The following NKAIN2 variants were observed in gnomAD, a reference collection of about 807,000 sequenced individuals.
NKAIN2 encodes the protein sodium/potassium-transporting ATPase subunit beta-1-interacting protein 2.
NKAIN2 carries 14 observed loss-of-function variants against 32.6 expected under a neutral mutation model. That is an observed-to-expected ratio of 0.43 (90% CI 0.28 to 0.67). The LOEUF (loss-of-function observed/expected upper bound fraction) is 0.67. Among genes scored for constraint, NKAIN2 ranks in the 30% least tolerant of loss-of-function variants. NKAIN2 has a pLI of 0.17. For missense variants in NKAIN2, 198 were observed against 258.3 expected (o/e 0.77, Z 1.60); for synonymous variants, 80 against 87.2 (o/e 0.92, Z 0.46).
At chr6:124,485,354 C>T (rs1777610002) in intron 3 of NKAIN2, among the ~76,000 whole-genome samples, 1 of 152,108 alleles carries the variant, frequency 6.6e-6, no homozygotes, top group Non-Finnish European at 1.5e-5. Context: ...ATTACACCAA[C>T]AAATGATAAG....
chr6:123,812,822 A>G (rs1247127386), intron 1 of NKAIN2, among the ~76,000 whole-genome samples: 3 of 152,226 alleles, frequency 2.0e-5, no homozygotes. Context: ...AAAACCCCCA[A>G]CAATGTTGCA....
intron 5 of NKAIN2, among the ~76,000 whole-genome samples, chr6:124,797,912 A>G (rs1780074575): frequency 1.3e-5 from 2 of 152,208 alleles, no homozygotes. Flanking sequence ...TAAATAAAAA[A>G]AGGAAAATTA....
intron 5 of NKAIN2, among the ~76,000 whole-genome samples, chr6:124,809,646 A>T (rs1432771331): frequency 6.6e-6 from 1 of 150,412 alleles, no homozygotes; most frequent in East Asian, 2.0e-4. Flanking sequence ...ATCTAATGAA[A>T]CTAAAGAGCT....
At chr6:123,919,968 C>T (rs1056053651) in intron 1 of NKAIN2, among the ~76,000 whole-genome samples, 2 of 151,948 alleles carry the variant, frequency 1.3e-5, no homozygotes, top group Non-Finnish European at 2.9e-5. Context: ...TTTCAACTTG[C>T]AGCATTAAAG....
chr6:123,967,455 A>G (rs1778135792), intron 1 of NKAIN2, among the ~76,000 whole-genome samples: 2 of 152,200 alleles, frequency 1.3e-5, no homozygotes, highest in South Asian at 4.1e-4. Context: ...TAGACTTACA[A>G]CTTGCCCCCC....
chr6:123,877,539 A>G (rs1265449235), intron 1 of NKAIN2, among the ~76,000 whole-genome samples: 4 of 152,184 alleles, frequency 2.6e-5, no homozygotes, highest in East Asian at 1.9e-4. Context: ...CTATGTTGAG[A>G]ATTACTGTGA....
At chr6:124,616,557 C>T (rs1782909540) in intron 3 of NKAIN2, among the ~76,000 whole-genome samples, 2 of 143,494 alleles carry the variant, frequency 1.4e-5, no homozygotes, top group African/African-American at 2.6e-5. Context: ...CTCCGCCTCC[C>T]AGGTTCACGC....
intron 1 of NKAIN2, among the ~76,000 whole-genome samples, chr6:123,864,907 A>C (rs1169248134): frequency 2.6e-5 from 4 of 152,150 alleles, no homozygotes; most frequent in African/African-American, 9.7e-5. Flanking sequence ...AATCATTAAA[A>C]TTTTACACAG....
Position 124,815,225 on chromosome 6 carries a change from C to CATATATATATATATATAT in NKAIN2, c.536-3146_536-3145insATATATATATATATATAT, listed in dbSNP as rs56841213. On this transcript the variant is annotated intron_variant, in intron 5 of 6. Transcript: ENST00000368417. ...TCCCCAGTCTTAAACTATATATATA[C>CATATATATATATATATAT]ATATATATATATATATGTATATATG... Among the ~76,000 whole-genome samples, 560 of 136,922 alleles carry CATATATATATATATATAT rather than the reference C, an allele frequency of 4.1e-3. 5 individuals are homozygous for CATATATATATATATATAT. The highest frequency in any genetic ancestry group is 0.013 in the African/African-American group (503 of 37,834). The allele number at this position is 136,922 out of a possible 152,430, so 89.8% of individuals were successfully genotyped here.
At chr6:124,353,162 T>C (rs754681581) in intron 2 of NKAIN2, among the ~76,000 whole-genome samples, 2 of 152,128 alleles carry the variant, frequency 1.3e-5, no homozygotes, top group Non-Finnish European at 2.9e-5. Context: ...TACAAAACAT[T>C]GTCTTAATAA....
intron 3 of NKAIN2, among the ~76,000 whole-genome samples, chr6:124,410,888 T>C (rs1452377506): frequency 6.6e-6 from 1 of 152,188 alleles, no homozygotes; most frequent in East Asian, 1.9e-4. Flanking sequence ...TGCATATATA[T>C]TTAGGATAGT....
chr6:124,507,719 T>C (rs1286481201), intron 3 of NKAIN2, among the ~76,000 whole-genome samples: 1 of 152,202 alleles, frequency 6.6e-6, no homozygotes, highest in Non-Finnish European at 1.5e-5. Flanking sequence ...TGTTATGTGC[T>C]GATTTATCTT....
At chr6:124,001,855 CA>C (rs1313544153) in intron 1 of NKAIN2, among the ~76,000 whole-genome samples, 13 of 144,936 alleles carry the variant, frequency 9.0e-5, no homozygotes, top group African/African-American at 3.4e-4. Flanking sequence ...GTGCATTGCA[CA>C]AGAGGGTTAG....
At chr6:124,196,786 A>G (rs993027125) in intron 1 of NKAIN2, among the ~76,000 whole-genome samples, 4 of 152,018 alleles carry the variant, frequency 2.6e-5, no homozygotes, top group Non-Finnish European at 4.4e-5. Context: ...ATATATTTGT[A>G]TCATGGTGAT....
chr6:124,418,408 C>T (rs993306515), intron 3 of NKAIN2, among the ~76,000 whole-genome samples: 2 of 151,030 alleles, frequency 1.3e-5, no homozygotes, highest in Admixed American at 6.6e-5. Flanking sequence ...CTGAAGATTA[C>T]GGAGCATTTT....
At chr6:124,186,356 C>T (rs6922394) in intron 1 of NKAIN2, among the ~76,000 whole-genome samples, 4,794 of 151,942 alleles carry the variant, frequency 0.032, 236 homozygotes, top group African/African-American at 0.11. Flanking sequence ...GGTGGGAGGA[C>T]CACTTGAGCA....
At chr6:124,552,921 G>A (rs1384823610) in intron 3 of NKAIN2, among the ~76,000 whole-genome samples, 7 of 152,088 alleles carry the variant, frequency 4.6e-5, no homozygotes, top group Admixed American at 3.3e-4. Flanking sequence ...TTTTGTTGTC[G>A]TGTACTCCAA....
intron 1 of NKAIN2, among the ~76,000 whole-genome samples, chr6:123,867,735 C>T (rs1273618014): frequency 1.3e-5 from 2 of 152,142 alleles, no homozygotes; most frequent in African/African-American, 4.8e-5. Context: ...CAAACATTTC[C>T]TCTTCTCTGA....
intron 1 of NKAIN2, among the ~76,000 whole-genome samples, chr6:123,864,363 G>A (rs1775902441): frequency 6.6e-6 from 1 of 152,162 alleles, no homozygotes; most frequent in African/African-American, 2.4e-5. Context: ...GACTGTAAAT[G>A]TAAGATTTAT....
Sources: allele counts gnomAD v4.1 joint callset (sites outside exome capture counted in the v4.1 genomes callset), GRCh38; gene constraint gnomAD v4.1.1; transcripts MANE v1.5; gene names NCBI Gene and HGNC (gene_info 2026-07-23, HGNC 2026-07-21).